DOCK9: variants seen among roughly 807,000 people sequenced by gnomAD.
The protein encoded by DOCK9 is dedicator of cytokinesis 9.
DOCK9 carries 89 observed loss-of-function variants against 263.3 expected under a neutral mutation model. The ratio of observed to expected loss-of-function variants is 0.34; its 90% CI spans 0.28 to 0.40. The LOEUF is 0.40. Ranked by LOEUF, DOCK9 falls within the 10% of genes least tolerant of loss-of-function variation. The pLI is 1.00. For missense variants in DOCK9, 2,140 were observed against 2,603.4 expected (o/e 0.82, Z 3.87); for synonymous variants, 976 against 973.1 (o/e 1.00, Z -0.06).
chr13:99,046,315 CTTTGAG>C (rs2040430209), intron 1 of DOCK9, among the ~76,000 whole-genome samples: 1 of 152,224 alleles, frequency 6.6e-6, no homozygotes, highest in Non-Finnish European at 1.5e-5. Context: ...TGCCCTCCTG[CTTTGAG>C]TAGGAGGATC....
chr13:98,978,962 A>T (rs1298994563), upstream of DOCK9, among the ~76,000 whole-genome samples: 3 of 152,110 alleles, frequency 2.0e-5, no homozygotes, highest in African/African-American at 7.2e-5. Context: ...CTTGGGAAAA[A>T]TTAAAACAGA....
chr13:98,824,510 A>C lies in DOCK9; in HGVS notation c.5024-6T>G. 1 of 1,613,050 alleles carries C rather than the reference A, an allele frequency of 6.2e-7. No individual in the cohort carries two copies. The highest frequency in any genetic ancestry group is 8.5e-7 in the Non-Finnish European group (1 of 1,179,250). On this transcript the variant is annotated splice_region_variant and splice_polypyrimidine_tract_variant and intron_variant, in intron 44 of 52. Transcript: ENST00000682017. Reference sequence around the variant, plus strand: ...GCATCCTTGTCTAAACACGCCTAGGAAGAGAGGAAGGAGGGACAGTCAGAG... The same window carrying C: ...GCATCCTTGTCTAAACACGCCTAGGCAGAGAGGAAGGAGGGACAGTCAGAG...
intron 1 of DOCK9, among the ~76,000 whole-genome samples, chr13:99,009,763 G>A (rs1238090161): frequency 1.3e-5 from 2 of 152,038 alleles, no homozygotes; most frequent in African/African-American, 4.8e-5. Context: ...TTTGCACAGT[G>A]CACACATTCA....
intron 1 of DOCK9, among the ~76,000 whole-genome samples, chr13:98,962,226 G>A (rs115054494): frequency 0.014 from 2,208 of 152,302 alleles, 55 homozygotes; most frequent in South Asian, 0.047. Flanking sequence ...GTATGGAGGT[G>A]TATCTAGAGG....
intron 1 of DOCK9, 77 bp downstream of exon 1, chr13:98,977,707 C>CTTGA (rs34071102): frequency 0.22 from 318,246 of 1,436,940 alleles, 38,137 homozygotes; most frequent in East Asian, 0.33. Flanking sequence ...AGGCAACAGG[C>CTTGA]GTCAACCCCG....
intron 21 of DOCK9, among the ~76,000 whole-genome samples, chr13:98,884,292 C>G (rs952124803): frequency 1.3e-5 from 2 of 152,230 alleles, no homozygotes; most frequent in African/African-American, 4.8e-5. Context: ...AAGGGTCAAT[C>G]GTCTGCTCAC....
chr13:98,928,790 CAT>C (rs1163956878), intron 3 of DOCK9, among the ~76,000 whole-genome samples: 2 of 152,100 alleles, frequency 1.3e-5, no homozygotes, highest in African/African-American at 4.8e-5. Context: ...GCTTGCAGGT[CAT>C]AGTTTGCCAC....
chr13:98,807,590 T>C (rs760508463), intron 48 of DOCK9, 71 bp downstream of exon 48: 215 of 1,332,464 alleles, frequency 1.6e-4, no homozygotes, highest in Middle Eastern at 4.2e-4. Context: ...TCTATATACA[T>C]TTAAAAATAT....
chr13:98,895,181 T>G (rs1239149728), intron 15 of DOCK9, among the ~76,000 whole-genome samples: 2 of 147,862 alleles, frequency 1.4e-5, no homozygotes, highest in African/African-American at 2.5e-5. Context: ...GGGGGAAGAG[T>G]TAAATAATCT....
chr13:98,811,351 T>C (rs1309466933), intron 45 of DOCK9, among the ~76,000 whole-genome samples: 2 of 152,226 alleles, frequency 1.3e-5, no homozygotes, highest in African/African-American at 4.8e-5. Flanking sequence ...GTTCTTTATA[T>C]ACTGTGGATA....
chr13:99,086,789 G>T (rs1203768699), upstream of DOCK9, among the ~76,000 whole-genome samples: 3 of 149,522 alleles, frequency 2.0e-5, no homozygotes, highest in Non-Finnish European at 4.5e-5. Flanking sequence ...GCGGCCCGGC[G>T]CTGGAGCTAG....
intron 9 of DOCK9, among the ~76,000 whole-genome samples, chr13:98,905,884 G>A (rs1362490903): frequency 6.6e-6 from 1 of 152,070 alleles, no homozygotes; most frequent in Non-Finnish European, 1.5e-5. Flanking sequence ...GCATCACTCG[G>A]GCAGGGCTGA....
At chr13:99,061,905 T>A (rs1179450612) in intron 1 of DOCK9, among the ~76,000 whole-genome samples, 1 of 151,904 alleles carries the variant, frequency 6.6e-6, no homozygotes. Context: ...ACGGTCTCAC[T>A]CTGCTGCCCA....
intron 50 of DOCK9, 113 bp downstream of exon 50, chr13:98,800,175 A>G: frequency 1.8e-6 from 2 of 1,139,136 alleles, no homozygotes; most frequent in Non-Finnish European, 2.4e-6. Flanking sequence ...GGGAGCAGGG[A>G]TCACTTGGTA....
In DOCK9 at chr13:98,968,916, C is replaced by T. The variant is rs146294769; in HGVS notation, c.126+8868G>A. On this transcript the variant is annotated intron_variant, in intron 1 of 52. Transcript: ENST00000682017. ...TCTTTCTCCCTGGAAGAGCCATCTT[C>T]TCTGCCTGTATCTTGTGGATCTCCA... Among the ~76,000 whole-genome samples, 1,147 of 152,334 alleles carry T rather than the reference C, an allele frequency of 7.5e-3. 15 individuals are homozygous for T. Among genetic ancestry groups the T allele is most frequent in the African/African-American group, 0.026 (1,074 of 41,566 alleles).
At chr13:98,804,093 T>C (rs1041835547) in intron 49 of DOCK9, among the ~76,000 whole-genome samples, 1 of 152,204 alleles carries the variant, frequency 6.6e-6, no homozygotes, top group Non-Finnish European at 1.5e-5. Flanking sequence ...ATAGTGTGTA[T>C]TATTACCCAG....
At chr13:98,907,393 T>C (rs369852340) in intron 9 of DOCK9, among the ~76,000 whole-genome samples, 1 of 152,342 alleles carries the variant, frequency 6.6e-6, no homozygotes, top group Admixed American at 6.5e-5. Flanking sequence ...GCTTGTTGTC[T>C]TGAGCTGACT....
intron 9 of DOCK9, 21 bp downstream of exon 9, chr13:98,914,307 G>C (rs1019455315): frequency 3.8e-6 from 6 of 1,598,718 alleles, no homozygotes; most frequent in Non-Finnish European, 5.1e-6. Flanking sequence ...ACGAAGAGCA[G>C]AAGATATAAG....
At chr13:98,991,500 G>A (rs1216879740) in intron 1 of DOCK9, among the ~76,000 whole-genome samples, 1 of 152,098 alleles carries the variant, frequency 6.6e-6, no homozygotes, top group African/African-American at 2.4e-5. Context: ...TACACACTGG[G>A]TTTCAAAGAC....
Sources: allele counts gnomAD v4.1 joint callset (sites outside exome capture counted in the v4.1 genomes callset), GRCh38; gene constraint gnomAD v4.1.1; transcripts MANE v1.5; gene names NCBI Gene and HGNC (gene_info 2026-07-23, HGNC 2026-07-21).